The following CBFA2T3 variants were observed in gnomAD, a reference collection of about 807,000 sequenced individuals.
CBFA2T3 encodes transcriptional corepressor CBFA2T3.
A neutral mutation model predicts 58.6 loss-of-function variants in CBFA2T3; 31 were observed. The ratio of observed to expected loss-of-function variants is 0.53; its 90% CI spans 0.40 to 0.71. The LOEUF is 0.71. CBFA2T3 is among the 30% of genes least tolerant of loss of function. CBFA2T3 has a pLI of 0.00. For missense variants in CBFA2T3, 1,076 were observed against 963.1 expected (o/e 1.12, Z -1.55); for synonymous variants, 531 against 421.9 (o/e 1.26, Z -3.17).
chr16:88,943,646 G>C lies in CBFA2T3; in HGVS notation c.151+33011C>G, dbSNP rs568181988. Among the ~76,000 whole-genome samples the C allele has an allele frequency of 1.3e-3, 192 of 152,322 alleles. 1 individual carries two copies. Among genetic ancestry groups the C allele is most frequent in the Middle Eastern group, 6.8e-3 (2 of 294 alleles). On this transcript the variant is annotated intron_variant, in intron 1 of 11. Transcript: ENST00000268679. ...TGGTCCTGGCAGTAGCTGGCACAGA[G>C]CTGGGCACCGTCTCTGCATTTCCCC...
intron 1 of CBFA2T3, among the ~76,000 whole-genome samples, chr16:88,910,959 GGCGCTGCCCT>G (rs139139903): frequency 0.079 from 12,050 of 152,228 alleles, 1,622 homozygotes; most frequent in African/African-American, 0.28. Flanking sequence ...GAGAGCCTCA[GGCGCTGCCCT>G]GCGGCCGCCT....
chr16:88,909,538 GCTGGGACAGAA>G (rs1381487901), intron 1 of CBFA2T3, among the ~76,000 whole-genome samples: 5 of 152,264 alleles, frequency 3.3e-5, no homozygotes, highest in African/African-American at 1.2e-4. Flanking sequence ...CATGACGGCA[GCTGGGACAGAA>G]GACGCCACTG....
At chr16:88,952,462 G>A (rs1167815225) in intron 1 of CBFA2T3, among the ~76,000 whole-genome samples, 1 of 152,040 alleles carries the variant, frequency 6.6e-6, no homozygotes, top group Non-Finnish European at 1.5e-5. Context: ...ATGGGGTGAG[G>A]GAGTTGCCGC....
Position 88,958,640 on chromosome 16 carries a change from G to A in CBFA2T3, c.151+18017C>T, listed in dbSNP as rs1250409309. Among the ~76,000 whole-genome samples, 1 of 152,152 alleles carries A rather than the reference G, an allele frequency of 6.6e-6. No individual in the cohort carries two copies. The highest frequency in any genetic ancestry group is 1.5e-5 in the Non-Finnish European group (1 of 67,988). Reference sequence around the variant, plus strand: ...GGTGGAGAAGCACAGTCGCCGCCCAGCAGCCCAGCACTACCTTTGGAGGGA... The same window carrying A: ...GGTGGAGAAGCACAGTCGCCGCCCAACAGCCCAGCACTACCTTTGGAGGGA... On this transcript the variant is annotated intron_variant, in intron 1 of 11. Transcript: ENST00000268679. The surrounding 1 kb of genome is among the most constrained non-coding windows in gnomAD (Gnocchi z 4.0).
At chr16:88,913,259 T>A (rs1970586280) in intron 1 of CBFA2T3, among the ~76,000 whole-genome samples, 1 of 152,210 alleles carries the variant, frequency 6.6e-6, no homozygotes, top group Non-Finnish European at 1.5e-5. Context: ...CAGGACAGGG[T>A]TGGCCCGGCC....
chr16:88,881,535 C>T (rs370799116), intron 8 of CBFA2T3, 46 bp from the exon 9 acceptor site: 120 of 1,556,914 alleles, frequency 7.7e-5, no homozygotes, highest in Admixed American at 1.2e-4. Context: ...GGGACCGGGA[C>T]GCACCAGACA....
intron 1 of CBFA2T3, among the ~76,000 whole-genome samples, chr16:88,946,757 A>C (rs930858613): frequency 1.3e-5 from 2 of 152,184 alleles, no homozygotes; most frequent in Non-Finnish European, 2.9e-5. Context: ...CTGGGATTAC[A>C]GACACGAGCC....
At chr16:88,934,757 G>A (rs984304081) in intron 1 of CBFA2T3, among the ~76,000 whole-genome samples, 12 of 151,828 alleles carry the variant, frequency 7.9e-5, no homozygotes, top group South Asian at 2.1e-4. Context: ...TTTTTTTCTC[G>A]GAGACGGAGT....
chr16:88,897,912 G>A (rs893739773), intron 3 of CBFA2T3, among the ~76,000 whole-genome samples, 166 bp downstream of exon 3: 3 of 152,198 alleles, frequency 2.0e-5, no homozygotes. Flanking sequence ...GCCCTCCTGC[G>A]CCCTCTTCTC....
chr16:88,940,168 G>A (rs1971664793), intron 1 of CBFA2T3: 1 of 154,332 alleles, frequency 6.5e-6, no homozygotes, highest in South Asian at 2.0e-4. Context: ...TGGGCCTGAA[G>A]TCAGCCGGCC....
Position 88,967,457 on chromosome 16 carries a change from G to A in CBFA2T3, c.151+9200C>T, listed in dbSNP as rs577782460. 4.5e-4 allele frequency among the ~76,000 whole-genome samples: 68 copies of A among 152,204 alleles called. 1 individual carries two copies. Among genetic ancestry groups the A allele is most frequent in the African/African-American group, 1.6e-3 (65 of 41,540 alleles). ...CCTGTTCAGTTTTCACAGATGTGCC[G>A]GAGACGGGGACTGCTATTGCCCCAT... is the stretch of plus-strand genomic sequence containing the variant. On this transcript the variant is annotated intron_variant, in intron 1 of 11. Transcript: ENST00000268679.
At chr16:88,902,912 G>A (rs368909405) in intron 1 of CBFA2T3, among the ~76,000 whole-genome samples, 1 of 151,840 alleles carries the variant, frequency 6.6e-6, no homozygotes, top group Non-Finnish European at 1.5e-5. Context: ...TCTCACCCAC[G>A]ACTGCCCCGC....
chr16:88,925,930 G>A (rs3848233), intron 1 of CBFA2T3, among the ~76,000 whole-genome samples: 45,404 of 152,186 alleles, frequency 0.3, 7,311 homozygotes, highest in Middle Eastern at 0.47. Flanking sequence ...TAAAAGAGAG[G>A]CTGAGAAGGA....
At chr16:88,877,975 C>T (rs1567571009) in intron 11 of CBFA2T3, among the ~76,000 whole-genome samples, 1 of 152,198 alleles carries the variant, frequency 6.6e-6, no homozygotes, top group African/African-American at 2.4e-5. Flanking sequence ...CCTCTGGTAC[C>T]ACCTCCCACC....
chr16:88,945,567 A>G (rs1421051233), intron 1 of CBFA2T3, among the ~76,000 whole-genome samples: 1 of 152,238 alleles, frequency 6.6e-6, no homozygotes, highest in Non-Finnish European at 1.5e-5. Context: ...AAGCACAGGA[A>G]ACGATGCCCA....
At chr16:88,956,777 G>T (rs1266758527) in intron 1 of CBFA2T3, among the ~76,000 whole-genome samples, 1 of 152,214 alleles carries the variant, frequency 6.6e-6, no homozygotes, top group Non-Finnish European at 1.5e-5. Flanking sequence ...CTGCTTTCCT[G>T]ACCGAGTTTG....
chr16:88,896,898 G>A (rs548631961), intron 3 of CBFA2T3, among the ~76,000 whole-genome samples: 3 of 152,334 alleles, frequency 2.0e-5, no homozygotes, highest in East Asian at 3.9e-4. Flanking sequence ...ACTCCCTCCC[G>A]CGCTGCTGGG....
At chr16:88,929,645 TACCCACA>T (rs1971211455) in intron 1 of CBFA2T3, among the ~76,000 whole-genome samples, 1 of 119,824 alleles carries the variant, frequency 8.3e-6, no homozygotes, top group Non-Finnish European at 2.0e-5. Flanking sequence ...AAACTACCAA[TACCCACA>T]GCTGCGTGGT....
At chr16:88,932,791 C>CAAAAAAAAAAAAAAA (rs576934029) in intron 1 of CBFA2T3, among the ~76,000 whole-genome samples, 12 of 27,858 alleles carry the variant, frequency 4.3e-4, no homozygotes, top group East Asian at 1.6e-3. Context: ...ACTAAAAATA[C>CAAAAAAAAAAAAAAA]AAAAAAAAAA....
Sources: gnomAD v4.1 joint callset for allele counts (sites outside exome capture counted in the v4.1 genomes callset) on GRCh38, gnomAD v4.1.1 for gene constraint, Gnocchi (gnomAD v3.1) non-coding constraint, MANE v1.5 for transcripts, NCBI Gene and HGNC (gene_info 2026-07-23, HGNC 2026-07-21) for gene names.